The following OLFM2 variants were observed in gnomAD, a reference collection of about 807,000 sequenced individuals.
OLFM2 encodes the protein noelin-2.
Under a neutral mutation model 43.9 loss-of-function variants are expected in OLFM2, and 20 were observed. That is an observed-to-expected ratio of 0.46 (90% CI 0.32 to 0.66). The LOEUF is 0.66. Ranked by LOEUF, OLFM2 falls within the 30% of genes least tolerant of loss-of-function variation. The probability of loss-of-function intolerance (pLI) is 0.04; values close to 1 mark genes in which losing one functional copy is unlikely to be tolerated. For missense variants in OLFM2, 416 were observed against 643.6 expected (o/e 0.65, Z 3.83); for synonymous variants, 268 against 278.6 (o/e 0.96, Z 0.38).
At position 9,854,085 on chromosome 19, in the gene OLFM2, G is replaced by A; in HGVS notation, c.*101C>T. 1 of 1,067,824 alleles carries A rather than the reference G, an allele frequency of 9.4e-7. No homozygotes were observed. Among genetic ancestry groups the A allele is most frequent in the Non-Finnish European group, 1.4e-6 (1 of 718,332 alleles). 66.1% of individuals were successfully genotyped at this position (1,067,824 alleles called of 1,614,324 possible). The stretch of plus-strand genomic sequence containing the variant: ...GCAAAAAGGCGGGGAGAAAGGGCGT[G>A]ACAGAGACAGAGAGATCACCCTTGA... On this transcript the variant is annotated 3_prime_UTR_variant, in exon 6 of 6. Transcript: ENST00000264833. This position sits in a 1 kb window ranked among gnomAD's most constrained non-coding sequence, Gnocchi z 9.5.
chr19:9,928,790 G>A (rs1051883345), intron 1 of OLFM2, among the ~76,000 whole-genome samples: 6 of 151,508 alleles, frequency 4.0e-5, no homozygotes, highest in East Asian at 1.9e-4. Flanking sequence ...GGGCGACAGA[G>A]TGAGACTCTG....
At chr19:9,882,006 G>A (rs921315637) in intron 1 of OLFM2, among the ~76,000 whole-genome samples, 8 of 152,060 alleles carry the variant, frequency 5.3e-5, no homozygotes, top group South Asian at 2.1e-4. Flanking sequence ...AGGCCGAGGC[G>A]GGTGGATGGC....
intron 1 of OLFM2, 114 bp from the exon 2 acceptor site, chr19:9,860,908 C>T: frequency 9.3e-7 from 1 of 1,075,824 alleles, no homozygotes; most frequent in Non-Finnish European, 1.3e-6. Flanking sequence ...GGGCTCCGGG[C>T]ATATGCCAGT....
At chr19:9,914,841 T>A (rs2144996247) in intron 1 of OLFM2, among the ~76,000 whole-genome samples, 1 of 152,042 alleles carries the variant, frequency 6.6e-6, no homozygotes, top group East Asian at 2.0e-4. Context: ...CGTCCCCGCA[T>A]CACCTCGCTC....
chr19:9,901,039 G>A (rs1203954659), intron 1 of OLFM2, among the ~76,000 whole-genome samples: 2 of 60,356 alleles, frequency 3.3e-5, no homozygotes, highest in African/African-American at 6.9e-5. Flanking sequence ...AGGAAGCGGG[G>A]AGGGAGGGAA....
chr19:9,902,729 A>G (rs1469428747), intron 1 of OLFM2, among the ~76,000 whole-genome samples: 1 of 151,928 alleles, frequency 6.6e-6, no homozygotes, highest in Non-Finnish European at 1.5e-5. Flanking sequence ...CTTTTTAGAG[A>G]CAAGGTCTCA....
At chr19:9,925,665 G>T (rs1261158864) in intron 1 of OLFM2, among the ~76,000 whole-genome samples, 1 of 151,582 alleles carries the variant, frequency 6.6e-6, no homozygotes, top group African/African-American at 2.4e-5. Context: ...AAACTCCTGG[G>T]CTCAAGCAAT....
At chr19:9,894,570 G>A (rs1468657504) in intron 1 of OLFM2, among the ~76,000 whole-genome samples, 4 of 151,520 alleles carry the variant, frequency 2.6e-5, no homozygotes, top group African/African-American at 9.7e-5. Flanking sequence ...TTAGCCAGGT[G>A]TGGTGGTGCC....
intron 1 of OLFM2, among the ~76,000 whole-genome samples, chr19:9,879,461 C>G (rs909189393): frequency 1.3e-5 from 2 of 152,066 alleles, no homozygotes; most frequent in African/African-American, 4.8e-5. Context: ...GTGTGTAGCA[C>G]CTCCCCCAGT....
chr19:9,867,544 G>A (rs566812666), intron 1 of OLFM2, among the ~76,000 whole-genome samples: 4 of 152,314 alleles, frequency 2.6e-5, no homozygotes, highest in South Asian at 2.1e-4. Context: ...TGTGTTTGAG[G>A]CTGGATAATT....
At chr19:9,878,005 C>A (rs572012358) in intron 1 of OLFM2, among the ~76,000 whole-genome samples, 1 of 152,058 alleles carries the variant, frequency 6.6e-6, no homozygotes, top group Admixed American at 6.6e-5. Flanking sequence ...CACGTGCCAC[C>A]ACATCTGGCT....
intron 1 of OLFM2, among the ~76,000 whole-genome samples, chr19:9,914,530 G>C (rs2046859665): frequency 6.6e-6 from 1 of 151,736 alleles, no homozygotes; most frequent in Non-Finnish European, 1.5e-5. Context: ...ACCAAGGGCA[G>C]TTTCCTACCC....
chr19:9,910,700 T>C (rs1484979178), intron 1 of OLFM2, among the ~76,000 whole-genome samples: 3 of 151,838 alleles, frequency 2.0e-5, no homozygotes, highest in African/African-American at 7.3e-5. Context: ...GAGGAATTGG[T>C]GAATGCATGG....
chr19:9,907,898 G>A lies in OLFM2; in HGVS notation c.63+28406C>T, dbSNP rs139059086. Among the ~76,000 whole-genome samples, 91 of 152,076 alleles carry A rather than the reference G, an allele frequency of 6.0e-4. 1 individual carries two copies. In the East Asian group the frequency reaches 0.017, roughly 28 times the overall value. On this transcript the variant is annotated intron_variant, in intron 1 of 5. Transcript: ENST00000264833. ...TGCATGCCTGTAATCCTAGCTACTT[G>A]GGAGGCTGAGGCAGGAGAATCGCTT... is the stretch of plus-strand genomic sequence containing the variant.
chr19:9,924,889 GATAT>G lies in OLFM2; in HGVS notation c.63+11411_63+11414del, dbSNP rs60738328. ...TGAATCAAAAAATAAATATATATGT[GATAT>G]ATATATATATATGCGTGTATATATA... On this transcript the variant is annotated intron_variant, in intron 1 of 5. Transcript: ENST00000264833. Among the ~76,000 whole-genome samples, 12 of 147,748 alleles carry G rather than the reference GATAT, an allele frequency of 8.1e-5. No individual in the cohort carries two copies. The South Asian group carries it at 1.1e-3, about 13-fold the overall frequency.
chr19:9,856,852 G>A lies in OLFM2; in HGVS notation c.642C>T (p.Phe214=), dbSNP rs780419451. The change falls in exon 5 of 6, where the codon TTC becomes TTT. Residue 214 remains phenylalanine, a synonymous_variant. Coordinates refer to ENST00000264833, the MANE Select transcript of OLFM2 (RefSeq NM_058164.4). The surrounding 1 kb of genome is among the most constrained non-coding windows in gnomAD (Gnocchi z 4.0). The stretch of plus-strand genomic sequence containing the variant: ...CCATCGTGTCAGTCATCCAGGAGCC[G>A]AAGCGGGACCCCATGGCCCGAACGG... ...PITVRAMGSR[F]GSWMTDTMAP... 1.2e-5 allele frequency: 19 copies of A among 1,613,640 alleles called. No homozygotes were observed. In the East Asian group the frequency reaches 2.0e-4, roughly 17 times the overall value.
chr19:9,857,112 A>G lies in OLFM2; in HGVS notation c.580+151T>C. 1.2e-6 allele frequency: 1 copy of G among 854,872 alleles called. No homozygotes were observed. Among genetic ancestry groups the G allele is most frequent in the Non-Finnish European group, 1.9e-6 (1 of 530,326 alleles). The allele number at this position is 854,872 out of a possible 1,614,324, so 53.0% of individuals were successfully genotyped here. A position where few individuals can be genotyped will look rare whatever the true frequency, so the allele number is the denominator to read the frequency against. On this transcript the variant is annotated intron_variant, in intron 4 of 5. Coordinates refer to ENST00000264833, the MANE Select transcript of OLFM2 (RefSeq NM_058164.4). This position sits in a 1 kb window ranked among gnomAD's most constrained non-coding sequence, Gnocchi z 5.7. ...GGTCAGGGCCATTTCCAGCTTCTGG[A>G]CTCAAGTGTAGCCTTAGGTAGGAAG...
intron 1 of OLFM2, among the ~76,000 whole-genome samples, chr19:9,883,074 G>A (rs1256806332): frequency 2.0e-5 from 3 of 151,752 alleles, no homozygotes; most frequent in Non-Finnish European, 4.4e-5. Flanking sequence ...GCCAGGAGTG[G>A]TGACAAGTGC....
At chr19:9,887,552 C>T (rs751552003) in intron 1 of OLFM2, among the ~76,000 whole-genome samples, 28 of 152,094 alleles carry the variant, frequency 1.8e-4, no homozygotes, top group Non-Finnish European at 4.0e-4. Context: ...TCTTGATGGC[C>T]ATCTCCATGG....
Sources: gnomAD v4.1 joint callset for allele counts (sites outside exome capture counted in the v4.1 genomes callset) on GRCh38, gnomAD v4.1.1 for gene constraint, Gnocchi (gnomAD v3.1) non-coding constraint, MANE v1.5 for transcripts, NCBI Gene and HGNC (gene_info 2026-07-23, HGNC 2026-07-21) for gene names.